SUPT20H: variants seen among roughly 807,000 people sequenced by gnomAD.
SUPT20H encodes the protein SPT20 homolog, SAGA complex component.
A neutral mutation model predicts 122.8 loss-of-function variants in SUPT20H; 82 were observed. That is an observed-to-expected ratio of 0.67 (90% CI 0.56 to 0.80). The LOEUF (loss-of-function observed/expected upper bound fraction) is 0.80. Among genes scored for constraint, SUPT20H ranks in the 30% least tolerant of loss-of-function variants. The probability of loss-of-function intolerance (pLI) is 0.00; values close to 1 mark genes in which losing one functional copy is unlikely to be tolerated. For missense variants in SUPT20H, 831 were observed against 921.6 expected (o/e 0.90, Z 1.27); for synonymous variants, 291 against 313.0 (o/e 0.93, Z 0.74).
Position 37,012,209 on chromosome 13 carries a change from A to G in SUPT20H, c.2081T>C (p.Met694Thr). 1 of 1,613,322 alleles carries G rather than the reference A, an allele frequency of 6.2e-7. No individual in the cohort carries two copies. Among genetic ancestry groups the G allele is most frequent in the Non-Finnish European group, 8.5e-7 (1 of 1,179,410 alleles). The stretch of plus-strand genomic sequence containing the variant: ...ATACCTACCAGCTGCCTGTGACTGC[A>G]TAAAACTTCCTACTCCAGTAAGGTT... ...VINLTGVGSFMQSQAAVLSQL... is the reference protein window; with the variant it reads ...VINLTGVGSFTQSQAAVLSQL... The change falls in exon 24 of 26, where the codon ATG becomes ACG. Residue 694 changes from methionine to threonine, a missense_variant. Coordinates refer to ENST00000350612, the MANE Select transcript of SUPT20H (RefSeq NM_001014286.3).
chr13:37,019,492 G>A (rs1028567972), intron 21 of SUPT20H, 95 bp from the exon 22 acceptor site: 6 of 801,012 alleles, frequency 7.5e-6, no homozygotes, highest in Non-Finnish European at 1.1e-5. Context: ...ATAATTTTAT[G>A]TATTCTCTGC....
At chr13:37,010,731 AAAATG>A in intron 24 of SUPT20H, 76 bp from the exon 25 acceptor site, 1 of 986,950 alleles carries the variant, frequency 1.0e-6, no homozygotes, top group Non-Finnish European at 1.6e-6. Context: ...GACAACATAG[AAAATG>A]AAATAATAGA....
Position 37,047,894 on chromosome 13 carries a change from A to G in SUPT20H, c.82T>C (p.Tyr28His). ...TATTCATACCTTCCACTTGATAGGT[A>G]TTTCCTTTTAGGAGGTCTCTGTCGG... Reference protein sequence around the residue: ...SARQRPPKRKYLSSGRKSVFQ... With the variant: ...SARQRPPKRKHLSSGRKSVFQ... Residue 28 changes from tyrosine (Y) to histidine (H), a missense_variant, in exon 4 of 26, where the codon TAC becomes CAC. Physicochemically the swap from Tyr to His is moderately conservative, Grantham distance 83. Transcript: ENST00000350612. 6.2e-7 allele frequency: 1 copy of G among 1,606,052 alleles called. No homozygotes were observed. Among genetic ancestry groups the G allele is most frequent in the Non-Finnish European group, 8.5e-7 (1 of 1,176,158 alleles).
intron 23 of SUPT20H, among the ~76,000 whole-genome samples, chr13:37,014,078 T>G (rs2060031512): frequency 6.6e-6 from 1 of 151,020 alleles, no homozygotes; most frequent in Non-Finnish European, 1.5e-5. Flanking sequence ...TACTAAGAAA[T>G]AAAAGGACTC....
chr13:37,040,638 A>G lies in SUPT20H; in HGVS notation c.451T>C (p.Ser151Pro). ...TAACCAGGAGATTTCATGTTACTGG[A>G]CTGCCTGTAGTCACGTATTTCTGCT... ...VIAEIRDYRQ[S>P]SNMKSPGYQS... The change falls in exon 8 of 26, where the codon TCC becomes CCC. Residue 151 changes from serine (S) to proline (P), a missense_variant. Physicochemically the swap from Ser to Pro is moderately conservative, Grantham distance 74 (BLOSUM62 -1). Transcript: ENST00000350612. 6.2e-7 allele frequency: 1 copy of G among 1,614,118 alleles called. No individual in the cohort carries two copies. The highest frequency in any genetic ancestry group is 1.7e-4 in the Middle Eastern group (1 of 6,058).
intron 15 of SUPT20H, among the ~76,000 whole-genome samples, 197 bp from the exon 16 acceptor site, chr13:37,026,433 A>T (rs946030051): frequency 6.6e-6 from 1 of 152,122 alleles, no homozygotes; most frequent in Admixed American, 6.5e-5. Context: ...ATGCATTATG[A>T]AACAATGTGA....
chr13:37,031,526 G>A (rs771989957), intron 12 of SUPT20H, 41 bp downstream of exon 12: 94 of 1,378,592 alleles, frequency 6.8e-5, no homozygotes, highest in Admixed American at 2.1e-4. Context: ...GTAAAACTGA[G>A]AAACTTTATA....
chr13:37,057,334 T>A (rs1279016523), intron 1 of SUPT20H, among the ~76,000 whole-genome samples: 3 of 151,690 alleles, frequency 2.0e-5, no homozygotes, highest in Non-Finnish European at 2.9e-5. Context: ...ATAGAAAACA[T>A]TTGCTCTGAG....
chr13:37,055,333 A>G (rs980204717), intron 1 of SUPT20H, among the ~76,000 whole-genome samples: 2 of 151,956 alleles, frequency 1.3e-5, no homozygotes, highest in African/African-American at 4.8e-5. Context: ...CAAAAGACAA[A>G]GCTGGAGGCA....
At chr13:37,048,398 C>A (rs1290185340) in intron 3 of SUPT20H, among the ~76,000 whole-genome samples, 166 bp downstream of exon 3, 1 of 152,054 alleles carries the variant, frequency 6.6e-6, no homozygotes, top group Non-Finnish European at 1.5e-5. Flanking sequence ...AACAGGTGAT[C>A]CAAATATCAC....
chr13:37,016,002 T>C (rs190537473), intron 23 of SUPT20H, among the ~76,000 whole-genome samples: 2 of 152,284 alleles, frequency 1.3e-5, no homozygotes, highest in Admixed American at 6.5e-5. Context: ...AGTAGAATAG[T>C]GGCCGAGGGG....
chr13:37,031,042 CTTTT>C (rs908408646), intron 12 of SUPT20H, among the ~76,000 whole-genome samples: 4 of 152,042 alleles, frequency 2.6e-5, no homozygotes, highest in Non-Finnish European at 4.4e-5. Context: ...CAAAATATCC[CTTTT>C]TTGTCTTCAA....
At position 37,022,094 on chromosome 13, in the gene SUPT20H, T is replaced by TTAA; in HGVS notation, c.1592-15_1592-14insTTA. On this transcript the variant is annotated splice_polypyrimidine_tract_variant and intron_variant, in intron 19 of 25. Transcript: ENST00000350612. This position sits in a 1 kb window ranked among gnomAD's most constrained non-coding sequence, Gnocchi z 4.5. ...TGGCCGTGGTTCCTGGAGTTATAGA[T>TTAA]GTTACCATGGTGGAAAGAGGAATGG... 1 of 1,614,126 alleles carries TTAA rather than the reference T, an allele frequency of 6.2e-7. No individual in the cohort carries two copies.
At chr13:37,029,927 T>A in intron 12 of SUPT20H, 91 bp from the exon 13 acceptor site, 1 of 960,728 alleles carries the variant, frequency 1.0e-6, no homozygotes, top group South Asian at 1.7e-5. Context: ...AGAAACTAAG[T>A]AACTCGACAA....
In SUPT20H at chr13:37,033,461, C is replaced by T. The variant is rs750352055; in HGVS notation, c.695G>A (p.Arg232His). The change falls in exon 10 of 26, where the codon CGC becomes CAC. Residue 232 changes from arginine to histidine, a missense_variant. By Grantham distance (29) the Arg-to-His change is conservative. Transcript: ENST00000350612. ...LLYNKQKMNT[R>H]PMKRCFKRYS... ...CAAAGGCAATTACCGTTTCATTGGG[C>T]GAGTGTTCATCTTTTGCTTGTTATA... 8 of 1,609,986 alleles carry T rather than the reference C, an allele frequency of 5.0e-6. No homozygotes were observed. The highest frequency in any genetic ancestry group is 1.7e-5 in the Admixed American group (1 of 59,422).
At chr13:37,031,956 A>G (rs944042280) in intron 10 of SUPT20H, 61 bp from the exon 11 acceptor site, 8 of 1,430,734 alleles carry the variant, frequency 5.6e-6, no homozygotes, top group Non-Finnish European at 7.5e-6. Context: ...AATATATGTG[A>G]GTTGAAACTA....
rs1321196072 is a variant in SUPT20H, at chr13:37,033,568, C to G, written c.588G>C (p.Glu196Asp). 5.6e-6 allele frequency: 9 copies of G among 1,613,146 alleles called. No individual in the cohort carries two copies. The highest frequency in any genetic ancestry group is 7.6e-6 in the Non-Finnish European group (9 of 1,179,590). Residue 196 changes from glutamate (E) to aspartate (D), a missense_variant, in exon 10 of 26, where the codon GAG (glutamate) becomes GAC (aspartate). Physicochemically the swap from Glu to Asp is conservative, Grantham distance 45 (BLOSUM62 2). Coordinates refer to ENST00000350612, the MANE Select transcript of SUPT20H (RefSeq NM_001014286.3). ...CAGCTGTAGCTAGGATGAGCTGGCT[C>G]TCAAGCAAAAGTTTGTCTTCCTGAA... ...KWTQEDKLLL[E>D]SQLILATAEP... is the part of the protein sequence containing the mutation.
intron 1 of SUPT20H, among the ~76,000 whole-genome samples, chr13:37,054,996 A>G (rs139276547): frequency 0.066 from 10,101 of 152,276 alleles, 458 homozygotes; most frequent in Non-Finnish European, 0.097. Flanking sequence ...GAGCCAAATC[A>G]TGAGTGAATT....
chr13:37,057,783 G>A (rs945250819), intron 1 of SUPT20H, among the ~76,000 whole-genome samples: 1 of 152,208 alleles, frequency 6.6e-6, no homozygotes, highest in South Asian at 2.1e-4. Flanking sequence ...AGACCAGCCT[G>A]GACAACATGG....
Sources: gnomAD v4.1 joint callset for allele counts (sites outside exome capture counted in the v4.1 genomes callset) on GRCh38, gnomAD v4.1.1 for gene constraint, Gnocchi (gnomAD v3.1) non-coding constraint, MANE v1.5 for transcripts, NCBI Gene and HGNC (gene_info 2026-07-23, HGNC 2026-07-21) for gene names.